The following PCDH9 variants were observed in gnomAD, a reference collection of about 807,000 sequenced individuals.
PCDH9 encodes protocadherin-9.
In PCDH9, 24 loss-of-function variants were observed where a neutral mutation model predicts 70.6. The ratio of observed to expected loss-of-function variants is 0.34; its 90% CI spans 0.25 to 0.48. The LOEUF (loss-of-function observed/expected upper bound fraction) is 0.48, where lower values mean the gene tolerates loss of function less well. PCDH9 is among the 20% of genes least tolerant of loss of function. The pLI is 0.99. For missense variants in PCDH9, 1,281 were observed against 1,503.6 expected (o/e 0.85, Z 2.45); for synonymous variants, 562 against 558.5 (o/e 1.01, Z -0.09).
intron 2 of PCDH9, among the ~76,000 whole-genome samples, chr13:67,184,718 G>T (rs1057077016): frequency 6.6e-6 from 1 of 152,118 alleles, no homozygotes; most frequent in South Asian, 2.1e-4. Flanking sequence ...GTGAAAAAGT[G>T]AGACCCTGTC....
chr13:66,718,789 T>G (rs991192), intron 3 of PCDH9, among the ~76,000 whole-genome samples: 257 of 152,346 alleles, frequency 1.7e-3, no homozygotes, highest in African/African-American at 5.8e-3. Flanking sequence ...ATGGAAGGTC[T>G]GAATTTAAGC....
chr13:67,193,747 T>C (rs570571412), intron 2 of PCDH9, among the ~76,000 whole-genome samples: 10 of 152,132 alleles, frequency 6.6e-5, no homozygotes, highest in Admixed American at 1.3e-4. Flanking sequence ...TATGAGTCTA[T>C]GGATGCTTCA....
At chr13:66,784,293 C>A (rs2080045628) in intron 3 of PCDH9, among the ~76,000 whole-genome samples, 1 of 152,114 alleles carries the variant, frequency 6.6e-6, no homozygotes, top group African/African-American at 2.4e-5. Flanking sequence ...TATGAGACAT[C>A]TGAAATTTTT....
chr13:66,853,139 T>C (rs1387034924), intron 3 of PCDH9, among the ~76,000 whole-genome samples: 2 of 150,834 alleles, frequency 1.3e-5, no homozygotes, highest in African/African-American at 2.4e-5. Context: ...ACAGAAATAG[T>C]CAAAAACAAC....
chr13:67,114,485 G>A (rs1308188309), intron 2 of PCDH9, among the ~76,000 whole-genome samples: 1 of 152,100 alleles, frequency 6.6e-6, no homozygotes, highest in Non-Finnish European at 1.5e-5. Context: ...ATAGTTTCAT[G>A]TACTCTTACA....
chr13:66,752,470 T>G (rs1403595337), intron 3 of PCDH9, among the ~76,000 whole-genome samples: 1 of 152,144 alleles, frequency 6.6e-6, no homozygotes, highest in Non-Finnish European at 1.5e-5. Flanking sequence ...CTGTTTTTTG[T>G]ATTTTTTGTA....
At chr13:66,982,586 G>A (rs1280484368) in intron 2 of PCDH9, among the ~76,000 whole-genome samples, 1 of 152,174 alleles carries the variant, frequency 6.6e-6, no homozygotes, top group Admixed American at 6.5e-5. Flanking sequence ...CTCCTGGAAT[G>A]AGGATCACTC....
At chr13:66,555,594 A>C (rs1961697510) in intron 4 of PCDH9, among the ~76,000 whole-genome samples, 1 of 148,832 alleles carries the variant, frequency 6.7e-6, no homozygotes, top group African/African-American at 2.5e-5. Context: ...CTTGTCATTT[A>C]CACATCAACG....
intron 3 of PCDH9, among the ~76,000 whole-genome samples, chr13:66,729,751 T>C (rs2079048776): frequency 6.6e-6 from 1 of 152,160 alleles, no homozygotes; most frequent in East Asian, 1.9e-4. Flanking sequence ...CTACTGCTTT[T>C]TCAAGGTTAA....
intron 4 of PCDH9, among the ~76,000 whole-genome samples, chr13:66,446,078 A>C (rs1474555915): frequency 6.6e-6 from 1 of 151,982 alleles, no homozygotes; most frequent in Non-Finnish European, 1.5e-5. Flanking sequence ...ATAACGTTCA[A>C]AACTAGCAGC....
intron 2 of PCDH9, among the ~76,000 whole-genome samples, chr13:67,193,332 AACACACACACAC>A (rs71110637): frequency 7.0e-6 from 1 of 141,952 alleles, no homozygotes; most frequent in Non-Finnish European, 1.6e-5. Flanking sequence ...TGGAGATTAA[AACACACACACAC>A]ACACACACAC....
intron 3 of PCDH9, among the ~76,000 whole-genome samples, chr13:66,837,107 T>G (rs2081035200): frequency 6.6e-6 from 1 of 152,214 alleles, no homozygotes; most frequent in Non-Finnish European, 1.5e-5. Context: ...TGCTAGGTTA[T>G]AGAACATGCT....
chr13:66,564,097 A>G (rs1320649930), intron 4 of PCDH9, among the ~76,000 whole-genome samples: 1 of 152,148 alleles, frequency 6.6e-6, no homozygotes, highest in Non-Finnish European at 1.5e-5. Context: ...GGGGAATACA[A>G]CAGTAATAAA....
intron 4 of PCDH9, among the ~76,000 whole-genome samples, chr13:66,576,307 T>C (rs1010455838): frequency 1.3e-5 from 2 of 151,980 alleles, no homozygotes; most frequent in African/African-American, 4.8e-5. Context: ...AGTTTCTTTA[T>C]ACACACACAC....
intron 2 of PCDH9, among the ~76,000 whole-genome samples, chr13:67,066,346 G>A (rs995203337): frequency 5.9e-5 from 9 of 152,022 alleles, no homozygotes; most frequent in Admixed American, 2.0e-4. Flanking sequence ...CAATTCTCCT[G>A]CCTCAGCCTC....
intron 2 of PCDH9, among the ~76,000 whole-genome samples, chr13:67,197,741 A>ATT (rs1472209636): frequency 1.3e-5 from 2 of 151,980 alleles, no homozygotes; most frequent in Non-Finnish European, 2.9e-5. Flanking sequence ...ATCGATAACC[A>ATT]TTTATATGCT....
intron 2 of PCDH9, among the ~76,000 whole-genome samples, chr13:67,077,954 C>G (rs1165430759): frequency 1.3e-5 from 2 of 152,134 alleles, no homozygotes; most frequent in African/African-American, 4.8e-5. Flanking sequence ...TTCCATCTTT[C>G]CATTTGATGA....
At chr13:66,694,972 C>G (rs1277122126) in intron 3 of PCDH9, among the ~76,000 whole-genome samples, 2 of 150,758 alleles carry the variant, frequency 1.3e-5, no homozygotes, top group Non-Finnish European at 2.9e-5. Context: ...GGCGCGATCT[C>G]TGCTCACTGC....
chr13:66,620,056 T>A (rs754322085), intron 4 of PCDH9, among the ~76,000 whole-genome samples: 2 of 152,226 alleles, frequency 1.3e-5, no homozygotes, highest in Non-Finnish European at 2.9e-5. Flanking sequence ...TTTTATTTTA[T>A]ATTCTCTTTT....
Sources: allele counts gnomAD v4.1 joint callset (sites outside exome capture counted in the v4.1 genomes callset), GRCh38; gene constraint gnomAD v4.1.1; transcripts MANE v1.5; gene names NCBI Gene and HGNC (gene_info 2026-07-23, HGNC 2026-07-21).